The following RSRC2 variants were observed in gnomAD, a reference collection of about 807,000 sequenced individuals.
RSRC2 encodes arginine and serine rich coiled-coil 2, also known as arginine/serine-rich coiled-coil protein 2.
RSRC2 carries 5 observed loss-of-function variants against 61.3 expected under a neutral mutation model. The ratio of observed to expected loss-of-function variants is 0.08; its 90% CI spans 0.04 to 0.17. The LOEUF (loss-of-function observed/expected upper bound fraction) is 0.17, where lower values mean the gene tolerates loss of function less well. Among genes scored for constraint, RSRC2 ranks in the 10% least tolerant of loss-of-function variants. RSRC2 has a pLI of 1.00. For synonymous variants in RSRC2, 202 were observed against 166.5 expected, an observed-to-expected ratio of 1.21 and a Z score of -1.64; for missense variants, 381 against 518.8, an observed-to-expected ratio of 0.73 and a Z score of 2.58.
chr12:122,524,144 ACTTG>A (rs1243442183), intron 1 of RSRC2, among the ~76,000 whole-genome samples: 3 of 152,202 alleles, frequency 2.0e-5, no homozygotes, highest in Non-Finnish European at 2.9e-5. Context: ...ACATTAGCTG[ACTTG>A]CTTAAAATGA....
rs779728738 is a variant in RSRC2, at chr12:122,517,407, T to C, written c.422A>G (p.Glu141Gly). The C allele has an allele frequency of 2.2e-5, 36 of 1,614,172 alleles. No homozygotes were observed. Among genetic ancestry groups the C allele is most frequent in the Non-Finnish European group, 2.9e-5 (34 of 1,180,022 alleles). ...ACTCCTGGATCGAGACTTCTTCCGC[T>C]CCCTGCTTCTACTACGATGGCGTCT... is the stretch of plus-strand genomic sequence containing the variant. Reference protein sequence around the residue: ...RERRHRSRSRERKKSRSRSRE... With the variant: ...RERRHRSRSRGRKKSRSRSRE... The change falls in exon 5 of 10, where the codon GAG becomes GGG. Residue 141 changes from glutamate (E) to glycine (G), a missense_variant. Physicochemically the swap from Glu to Gly is moderately conservative, Grantham distance 98. Coordinates refer to ENST00000331738, the MANE Select transcript of RSRC2 (RefSeq NM_023012.6).
At chr12:122,521,287 T>C (rs1160199793) in intron 3 of RSRC2, 98 bp downstream of exon 3, 1 of 856,314 alleles carries the variant, frequency 1.2e-6, no homozygotes, top group Non-Finnish European at 1.9e-6. Context: ...TTTCAAGTTT[T>C]GTACTTACCT....
At chr12:122,512,066 G>A (rs10847090) in intron 6 of RSRC2, among the ~76,000 whole-genome samples, 92,296 of 152,010 alleles carry the variant, frequency 0.61, 28,878 homozygotes, top group African/African-American at 0.75. Flanking sequence ...TTGGCCTCCC[G>A]AAGTGCTGGC....
Position 122,525,801 on chromosome 12 carries a change from GTTTT to G in RSRC2, c.6+1043_6+1046del, listed in dbSNP as rs1169838098. 2.3e-4 allele frequency among the ~76,000 whole-genome samples: 5 copies of G among 21,502 alleles called. 2 individuals are homozygous for G. Among genetic ancestry groups the G allele is most frequent in the Non-Finnish European group, 3.7e-4 (5 of 13,518 alleles). The allele number at this position is 21,502 out of a possible 152,430, so 14.1% of individuals were successfully genotyped here. ...GTAGCTCCTCTGGGGTCAACGAAGA[GTTTT>G]TTTTTTTTTTTTTTTTTTTTTTTTT... On this transcript the variant is annotated intron_variant, in intron 1 of 9. Transcript: ENST00000331738.
Position 122,505,419 on chromosome 12 carries a change from A to T in RSRC2, c.*108T>A. ...AAATTTGTATTTTTCAATAAATTAA[A>T]GTCAATGCAACACCCATGCAAGCTA... On this transcript the variant is annotated 3_prime_UTR_variant, in exon 10 of 10. Transcript: ENST00000331738. 1 of 977,762 alleles carries T rather than the reference A, an allele frequency of 1.0e-6. No individual in the cohort carries two copies. The highest frequency in any genetic ancestry group is 1.5e-6 in the Non-Finnish European group (1 of 658,246). The allele number at this position is 977,762 out of a possible 1,614,324, so 60.6% of individuals were successfully genotyped here. A position where few individuals can be genotyped will look rare whatever the true frequency, so the allele number is the denominator to read the frequency against.
intron 5 of RSRC2, 137 bp downstream of exon 5, chr12:122,517,090 T>C (rs1236986516): frequency 3.2e-6 from 4 of 1,238,892 alleles, no homozygotes; most frequent in African/African-American, 1.5e-5. Context: ...CTTCATACGT[T>C]AGGTAATGAC....
In RSRC2 at chr12:122,504,627, CAA is replaced by C; in HGVS notation, c.*898_*899del. ...TAGGCAACAGAGCAAGATCCTGTCT[CAA>C]AAAAACAAACAAAAAAAATTTCTAA... On this transcript the variant is annotated 3_prime_UTR_variant, in exon 10 of 10. Transcript: ENST00000331738. 1 of 152,004 alleles carries C rather than the reference CAA, an allele frequency of 6.6e-6. No homozygotes were observed. Among genetic ancestry groups the C allele is most frequent in the South Asian group, 2.1e-4 (1 of 4,812 alleles). The allele number at this position is 152,004 out of a possible 1,614,324, so 9.4% of individuals were successfully genotyped here.
intron 2 of RSRC2, 141 bp from the exon 3 acceptor site, chr12:122,521,569 T>C (rs1959214491): frequency 2.9e-6 from 2 of 697,486 alleles, no homozygotes; most frequent in South Asian, 3.3e-5. Context: ...GGTGGGATTA[T>C]TCTACATTAA....
chr12:122,519,316 G>A, intron 3 of RSRC2: 1 of 338,324 alleles, frequency 3.0e-6, no homozygotes, highest in South Asian at 3.6e-5. Flanking sequence ...GACAAAAGAG[G>A]AATCCCTTAT....
intron 6 of RSRC2, among the ~76,000 whole-genome samples, chr12:122,513,213 A>G (rs1423851769): frequency 3.2e-5 from 3 of 93,782 alleles, no homozygotes; most frequent in Admixed American, 1.1e-4. Flanking sequence ...ATAAATAAAT[A>G]AATAAATAAA....
chr12:122,510,329 C>T (rs1424920216), intron 7 of RSRC2, among the ~76,000 whole-genome samples: 1 of 151,778 alleles, frequency 6.6e-6, no homozygotes, highest in East Asian at 2.0e-4. Flanking sequence ...AAGAGATCGA[C>T]ACCATCCTGG....
At position 122,522,198 on chromosome 12, in the gene RSRC2, T is replaced by C; in HGVS notation, c.108A>G (p.Ser36=). The change falls in exon 2 of 10, where the codon TCA becomes TCG. Residue 36 remains serine (S), a synonymous_variant. Coordinates refer to ENST00000331738, the MANE Select transcript of RSRC2 (RefSeq NM_023012.6). ...QSEVSVSPRA[S]KHHYSRSRSR... is the part of the protein sequence containing the mutation. ...ATCGTGATCTTGAATAATGATGTTT[T>C]GAAGCTCTAGGAGAAACAGATACTT... 6.2e-7 allele frequency: 1 copy of C among 1,614,080 alleles called. No homozygotes were observed. The highest frequency in any genetic ancestry group is 8.5e-7 in the Non-Finnish European group (1 of 1,180,002).
In RSRC2 at chr12:122,509,429, G is replaced by A. The variant is rs536872953; in HGVS notation, c.806-982C>T. ...TGTGCCACTGTACTCCAGCACAGGC[G>A]ACAGTATGAGCCTCCGTCTCAAAAA... On this transcript the variant is annotated intron_variant, in intron 7 of 9. Transcript: ENST00000331738. 4.7e-5 allele frequency among the ~76,000 whole-genome samples: 7 copies of A among 148,388 alleles called. No individual in the cohort carries two copies. In the South Asian group the frequency reaches 6.4e-4, roughly 14 times the overall value.
At chr12:122,526,645 C>T (rs1565914841) in intron 1 of RSRC2, among the ~76,000 whole-genome samples, 2 of 151,972 alleles carry the variant, frequency 1.3e-5, no homozygotes, top group Admixed American at 1.3e-4. Context: ...AAAAAAGGCA[C>T]TCCCTGCGGC....
chr12:122,520,654 A>C (rs1367851226), intron 3 of RSRC2: 1 of 1,080,252 alleles, frequency 9.3e-7, no homozygotes, highest in African/African-American at 1.6e-5. Flanking sequence ...AAACTCTCCT[A>C]AATTAAAAAT....
intron 3 of RSRC2, chr12:122,520,437 C>A: frequency 1.1e-6 from 1 of 920,002 alleles, no homozygotes; most frequent in South Asian, 1.3e-5. Context: ...TTAAAAAAAA[C>A]ATTAAAACCC....
intron 4 of RSRC2, 135 bp from the exon 5 acceptor site, chr12:122,517,565 C>A: frequency 9.3e-7 from 1 of 1,070,976 alleles, no homozygotes; most frequent in Non-Finnish European, 1.3e-6. Context: ...CAGAAATAAG[C>A]GAGATTTTCA....
At chr12:122,521,337 A>T (rs376051952) in intron 3 of RSRC2, 48 bp downstream of exon 3, 31 of 1,414,046 alleles carry the variant, frequency 2.2e-5, no homozygotes, top group African/African-American at 2.8e-5. Context: ...TCTACCAGAC[A>T]CTTTATAAGT....
At chr12:122,515,267 G>C (rs755456706) in intron 5 of RSRC2, 40 bp from the exon 6 acceptor site, 1 of 1,584,526 alleles carries the variant, frequency 6.3e-7, no homozygotes, top group Non-Finnish European at 8.6e-7. Context: ...TTATGGCCAA[G>C]TCATAACTAT....
Sources: gnomAD v4.1 joint callset for allele counts (sites outside exome capture counted in the v4.1 genomes callset) on GRCh38, gnomAD v4.1.1 for gene constraint, MANE v1.5 for transcripts, NCBI Gene and HGNC (gene_info 2026-07-23, HGNC 2026-07-21) for gene names.